USP32: variants seen among roughly 807,000 people sequenced by gnomAD.
USP32 encodes ubiquitin specific peptidase 32, also known as ubiquitin carboxyl-terminal hydrolase 32.
Under a neutral mutation model 204.8 loss-of-function variants are expected in USP32, and 59 were observed. That is an observed-to-expected ratio of 0.29 (90% CI 0.23 to 0.36). The LOEUF is 0.36. USP32 is among the 10% of genes least tolerant of loss of function. The pLI is 1.00. For synonymous variants in USP32, 517 were observed against 678.4 expected (o/e 0.76, Z 3.70); for missense variants, 1,160 against 1,946.4 (o/e 0.60, Z 7.60).
intron 4 of USP32, among the ~76,000 whole-genome samples, chr17:60,290,720 G>T (rs745658170): frequency 3.9e-5 from 6 of 152,146 alleles, no homozygotes; most frequent in Non-Finnish European, 8.8e-5. Context: ...TGGGTGGGGG[G>T]CTGCTAGATA....
At chr17:60,261,817 C>A (rs2086461029) in intron 9 of USP32, among the ~76,000 whole-genome samples, 1 of 152,196 alleles carries the variant, frequency 6.6e-6, no homozygotes, top group Admixed American at 6.5e-5. Context: ...TAATCTGATT[C>A]TTTTATATAA....
Position 60,223,589 on chromosome 17 carries a change from A to AT in USP32, c.1433-4dup, listed in dbSNP as rs1392573309. ...TGGTGTGGCAGAATACAGAAAGCCT[A>AT]TAAAAAAAAAAGAGGATAGAATCTC... On this transcript the variant is annotated splice_polypyrimidine_tract_variant and splice_region_variant and intron_variant, in intron 13 of 33. Transcript: ENST00000300896. 1 of 1,579,700 alleles carries AT rather than the reference A, an allele frequency of 6.3e-7. No homozygotes were observed.
At chr17:60,272,967 G>A (rs1184570011) in intron 5 of USP32, among the ~76,000 whole-genome samples, 3 of 152,118 alleles carry the variant, frequency 2.0e-5, no homozygotes, top group Non-Finnish European at 4.4e-5. Context: ...CGGGAAATTT[G>A]TTTTGTTTTG....
chr17:60,304,030 T>C (rs1156897713), intron 2 of USP32, among the ~76,000 whole-genome samples: 1 of 151,930 alleles, frequency 6.6e-6, no homozygotes, highest in East Asian at 1.9e-4. Context: ...ATTTTCAAAA[T>C]GAATAGACAC....
upstream of USP32, among the ~76,000 whole-genome samples, chr17:60,396,921 A>G (rs890883736): frequency 1.3e-5 from 2 of 152,200 alleles, no homozygotes; most frequent in Non-Finnish European, 2.9e-5. Context: ...TCAAATTAAT[A>G]GTTTACAAAG....
Position 60,226,671 on chromosome 17 carries a change from T to C in USP32, c.1240-440A>G, listed in dbSNP as rs146736089. 3.6e-3 allele frequency among the ~76,000 whole-genome samples: 546 copies of C among 152,336 alleles called. 5 individuals carry two copies. Among genetic ancestry groups the C allele is most frequent in the South Asian group, 0.022 (104 of 4,832 alleles). On this transcript the variant is annotated intron_variant, in intron 12 of 33. Transcript: ENST00000300896. ...GTACTCAGATTCCATCATTTAGCAATAACTGTGTTTTAGTTCTTATGACTG... is the reference window on the plus strand; with the variant it reads ...GTACTCAGATTCCATCATTTAGCAACAACTGTGTTTTAGTTCTTATGACTG...
chr17:60,183,274 C>T lies in USP32; in HGVS notation c.4014G>A (p.Leu1338=). The T allele has an allele frequency of 6.2e-7, 1 of 1,613,980 alleles. No individual in the cohort carries two copies. Among genetic ancestry groups the T allele is most frequent in the Non-Finnish European group, 8.5e-7 (1 of 1,179,870 alleles). ...CATCCACTTTCTTCACCTCCCTTGC[C>T]AGAATCCTGGGCTCAGAGAGCTCAT... ...QGDELSEPRI[L]AREVKKVDAQ... is the part of the protein sequence containing the mutation. Residue 1338 remains leucine (L), a synonymous_variant, in exon 31 of 34, where the codon CTG becomes CTA. Coordinates refer to ENST00000300896, the MANE Select transcript of USP32 (RefSeq NM_032582.4).
chr17:60,290,123 G>A (rs2087234537), intron 4 of USP32, among the ~76,000 whole-genome samples: 3 of 152,238 alleles, frequency 2.0e-5, no homozygotes, highest in South Asian at 4.2e-4. Flanking sequence ...CATTGCTCTC[G>A]AAATGTAATT....
upstream of USP32, among the ~76,000 whole-genome samples, chr17:60,394,547 T>C (rs1264467933): frequency 6.6e-6 from 1 of 152,174 alleles, no homozygotes; most frequent in South Asian, 2.1e-4. Flanking sequence ...TACTCAGGAA[T>C]TAATAGAATA....
chr17:60,192,168 G>A (rs2084400951), intron 28 of USP32, among the ~76,000 whole-genome samples: 1 of 151,930 alleles, frequency 6.6e-6, no homozygotes, highest in African/African-American at 2.4e-5. Context: ...GTGTGCACCT[G>A]TAGTCCCGGC....
intron 2 of USP32, among the ~76,000 whole-genome samples, chr17:60,340,830 G>A (rs1207041631): frequency 2.6e-5 from 4 of 152,092 alleles, no homozygotes; most frequent in Admixed American, 2.0e-4. Flanking sequence ...TCCATGTTTA[G>A]TGCTTCTGTC....
At chr17:60,187,251 T>G (rs760197428) in intron 29 of USP32, among the ~76,000 whole-genome samples, 7 of 152,246 alleles carry the variant, frequency 4.6e-5, no homozygotes, top group Non-Finnish European at 8.8e-5. Context: ...CTGGATTTGA[T>G]CGTGCAATTA....
chr17:60,398,188 G>C (rs9905547), intron 1 of USP32, among the ~76,000 whole-genome samples: 8,634 of 152,150 alleles, frequency 0.057, 845 homozygotes, highest in African/African-American at 0.2. Context: ...AACATACGGA[G>C]ACTCTGTCTC....
chr17:60,191,800 C>T (rs147029535), intron 28 of USP32, among the ~76,000 whole-genome samples: 11 of 152,104 alleles, frequency 7.2e-5, no homozygotes, highest in African/African-American at 1.9e-4. Flanking sequence ...TGAGCCACCA[C>T]GCCTGGCCAA....
At chr17:60,349,643 T>TTA (rs1211560358) in intron 1 of USP32, among the ~76,000 whole-genome samples, 7 of 97,072 alleles carry the variant, frequency 7.2e-5, no homozygotes, top group East Asian at 5.1e-4. Context: ...TATATATATA[T>TTA]TATATATATA....
intron 1 of USP32, among the ~76,000 whole-genome samples, chr17:60,378,696 T>C (rs985589494): frequency 3.9e-5 from 6 of 152,128 alleles, no homozygotes; most frequent in Non-Finnish European, 8.8e-5. Context: ...TCAAATATTG[T>C]ACGATTCTAT....
chr17:60,202,445 A>G (rs992113503), intron 26 of USP32, among the ~76,000 whole-genome samples: 36 of 136,930 alleles, frequency 2.6e-4, no homozygotes, highest in Non-Finnish European at 8.0e-5. Flanking sequence ...TTATCAAATC[A>G]CACACACACA....
intron 1 of USP32, among the ~76,000 whole-genome samples, chr17:60,363,872 G>A (rs2089261644): frequency 6.6e-6 from 1 of 151,932 alleles, no homozygotes; most frequent in Non-Finnish European, 1.5e-5. Flanking sequence ...GAAGGAAGGA[G>A]GAAGGGAGGG....
At chr17:60,242,036 C>T (rs2085891094) in intron 11 of USP32, among the ~76,000 whole-genome samples, 2 of 152,162 alleles carry the variant, frequency 1.3e-5, no homozygotes, top group Non-Finnish European at 2.9e-5. Context: ...TTTGAGTATA[C>T]TTTTAAGCAT....
Sources: gnomAD v4.1 joint callset for allele counts (sites outside exome capture counted in the v4.1 genomes callset) on GRCh38, gnomAD v4.1.1 for gene constraint, MANE v1.5 for transcripts, NCBI Gene and HGNC (gene_info 2026-07-23, HGNC 2026-07-21) for gene names.